The following ACSM4 variants were observed in gnomAD, a reference collection of about 807,000 sequenced individuals.
The protein encoded by ACSM4 is acyl-CoA synthetase medium chain family member 4, also known as acyl-coenzyme A synthetase ACSM4, mitochondrial.
A neutral mutation model predicts 73.0 loss-of-function variants in ACSM4; 66 were observed. The observed-to-expected ratio is 0.90, with a 90% CI of 0.74 to 1.11. The LOEUF (loss-of-function observed/expected upper bound fraction) is 1.11. ACSM4 is among the 50% of genes least tolerant of loss of function. ACSM4 has a pLI of 0.00. For missense variants in ACSM4, 645 were observed against 714.4 expected (o/e 0.90, Z 1.11); for synonymous variants, 222 against 254.0 (o/e 0.87, Z 1.20).
intron 6 of ACSM4, among the ~76,000 whole-genome samples, chr12:7,321,491 A>T (rs1218286881): frequency 6.6e-6 from 1 of 152,186 alleles, no homozygotes; most frequent in Non-Finnish European, 1.5e-5. Context: ...AGACAGAATA[A>T]AGCAAACATG....
intron 6 of ACSM4, among the ~76,000 whole-genome samples, chr12:7,321,978 G>A (rs1284980052): frequency 1.3e-5 from 2 of 152,148 alleles, no homozygotes; most frequent in South Asian, 4.1e-4. Context: ...GAAGGCTTTC[G>A]GCAAGTTCTT....
At chr12:7,317,461 T>C (rs1946429946) in intron 4 of ACSM4, among the ~76,000 whole-genome samples, 181 bp downstream of exon 4, 1 of 152,214 alleles carries the variant, frequency 6.6e-6, no homozygotes, top group Non-Finnish European at 1.5e-5. Flanking sequence ...TCTAACCAGC[T>C]GATTAAGCAA....
rs184499452 is a variant in ACSM4, at chr12:7,328,446, G to C, written c.*73G>C. ...TTAGTATTTGTTCCGATAATTCAGC[G>C]ACTACTCTCTTAAAATGTTTAAGAT... On this transcript the variant is annotated 3_prime_UTR_variant, in exon 13 of 13. Transcript: ENST00000399422. The C allele has an allele frequency of 1.2e-5, 14 of 1,167,776 alleles. No homozygotes were observed. Among genetic ancestry groups the C allele is most frequent in the Admixed American group, 2.8e-5 (1 of 35,284 alleles). 72.3% of individuals were successfully genotyped at this position (1,167,776 alleles called of 1,614,324 possible). A position where few individuals can be genotyped will look rare whatever the true frequency, so the allele number is the denominator to read the frequency against.
In ACSM4 at chr12:7,317,229, T is replaced by C. The variant is rs367830161; in HGVS notation, c.713T>C (p.Met238Thr). 38 of 1,604,788 alleles carry C rather than the reference T, an allele frequency of 2.4e-5. No individual in the cohort carries two copies. The highest frequency in any genetic ancestry group is 3.2e-5 in the Non-Finnish European group (38 of 1,175,614). ...AGTGGGACCACAGGCTTTCCTAAAA[T>C]GGCCCAGCACTCTCAGAGCAGCCTC... ...FTSGTTGFPK[M>T]AQHSQSSLGI... The change falls in exon 4 of 13, where the codon ATG becomes ACG. Residue 238 changes from methionine to threonine, a missense_variant. Met to Thr is a moderately conservative substitution (Grantham distance 81). Transcript: ENST00000399422.
intron 2 of ACSM4, among the ~76,000 whole-genome samples, chr12:7,309,427 TC>T (rs1946378222): frequency 1.3e-5 from 2 of 152,336 alleles, no homozygotes; most frequent in Admixed American, 1.3e-4. Context: ...AGGATACACA[TC>T]TTCCCATCTG....
chr12:7,325,551 G>T (rs1946497508), intron 11 of ACSM4, among the ~76,000 whole-genome samples: 1 of 152,148 alleles, frequency 6.6e-6, no homozygotes, highest in Non-Finnish European at 1.5e-5. Context: ...GGAGGCTGAG[G>T]CAGGAGAACT....
chr12:7,310,515 T>C (rs764786891), intron 2 of ACSM4, 24 bp from the exon 3 acceptor site: 1 of 1,581,988 alleles, frequency 6.3e-7, no homozygotes. Context: ...TTCTGTTCAG[T>C]GCAGGGCCCT....
At chr12:7,304,709 ACAAATGGCTGGGCGGC>A (rs1946352537) in intron 1 of ACSM4, among the ~76,000 whole-genome samples, 177 bp downstream of exon 1, 2 of 152,176 alleles carry the variant, frequency 1.3e-5, no homozygotes, top group African/African-American at 2.4e-5. Context: ...ATCCTCAGCC[ACAAATGGCTGGGCGGC>A]TCTGGAGCCT....
At chr12:7,322,637 AT>A in intron 7 of ACSM4, 96 bp downstream of exon 7, 1 of 1,449,238 alleles carries the variant, frequency 6.9e-7, no homozygotes, top group Non-Finnish European at 9.2e-7. Flanking sequence ...CCCACTGTAA[AT>A]TTTTATAGAG....
At chr12:7,306,305 T>C (rs1197584570) in intron 1 of ACSM4, among the ~76,000 whole-genome samples, 1 of 152,212 alleles carries the variant, frequency 6.6e-6, no homozygotes, top group Non-Finnish European at 1.5e-5. Context: ...GGCCCAACTT[T>C]GGTCAAATGC....
chr12:7,317,249 A>C lies in ACSM4; in HGVS notation c.733A>C (p.Ser245Arg). 1 of 1,590,370 alleles carries C rather than the reference A, an allele frequency of 6.3e-7. No homozygotes were observed. The highest frequency in any genetic ancestry group is 8.6e-7 in the Non-Finnish European group (1 of 1,168,068). Residue 245 changes from serine to arginine, a missense_variant, in exon 4 of 13, where the codon AGC becomes CGC. Coordinates refer to ENST00000399422, the MANE Select transcript of ACSM4 (RefSeq NM_001080454.2). ...FPKMAQHSQS[S>R]LGIGFTLCGR... is the part of the protein sequence containing the mutation. ...TAAAATGGCCCAGCACTCTCAGAGC[A>C]GCCTCGGCATTGGGTTCACCCTCTG...
Position 7,321,138 on chromosome 12 carries a change from C to T in ACSM4, c.1001+334C>T, listed in dbSNP as rs144183349. ...TCCTCTAGGACAACTGGACATTTTT[C>T]CAGGGACAACCAGACCTCTGTAGTC... On this transcript the variant is annotated intron_variant, in intron 6 of 12. Coordinates refer to ENST00000399422, the MANE Select transcript of ACSM4 (RefSeq NM_001080454.2). 9.4e-4 allele frequency among the ~76,000 whole-genome samples: 143 copies of T among 152,244 alleles called. 2 individuals carry two copies. The highest frequency in any genetic ancestry group is 3.2e-3 in the African/African-American group (132 of 41,532).
In ACSM4 at chr12:7,324,510, G is replaced by A; in HGVS notation, c.1448G>A (p.Gly483Glu). Residue 483 changes from glycine (G) to glutamate (E), a missense_variant, in exon 11 of 13, where the codon GGG becomes GAG. Physicochemically the swap from Gly to Glu is moderately conservative, Grantham distance 98 (BLOSUM62 -2). Transcript: ENST00000399422. Reference protein sequence around the residue: ...DVIISSGYRIGPFEVESALIE... With the variant: ...DVIISSGYRIEPFEVESALIE... ...CTTTTCCTCTTCAGGTACCGTATTG[G>A]GCCATTTGAAGTGGAGAGTGCACTC... The A allele has an allele frequency of 6.2e-7, 1 of 1,613,920 alleles. No homozygotes were observed. The highest frequency in any genetic ancestry group is 8.5e-7 in the Non-Finnish European group (1 of 1,179,858).
At chr12:7,311,172 AT>A (rs1202526773) in intron 3 of ACSM4, among the ~76,000 whole-genome samples, 1 of 151,986 alleles carries the variant, frequency 6.6e-6, no homozygotes, top group African/African-American at 2.4e-5. Flanking sequence ...TCTCAAAAAA[AT>A]AAATAAATAA....
At chr12:7,309,981 G>T (rs1018762726) in intron 2 of ACSM4, among the ~76,000 whole-genome samples, 1 of 151,910 alleles carries the variant, frequency 6.6e-6, no homozygotes, top group Non-Finnish European at 1.5e-5. Context: ...ACAGGGTTTC[G>T]CCATGTTGCT....
At chr12:7,310,904 A>G (rs969804331) in intron 3 of ACSM4, among the ~76,000 whole-genome samples, 158 bp downstream of exon 3, 16 of 152,062 alleles carry the variant, frequency 1.1e-4, no homozygotes, top group African/African-American at 3.9e-4. Context: ...GCTGGCTCAC[A>G]CCTGTAATCC....
At chr12:7,328,244 G>A (rs759128574) in intron 12 of ACSM4, 43 bp from the exon 13 acceptor site, 2 of 1,447,412 alleles carry the variant, frequency 1.4e-6, no homozygotes, top group South Asian at 1.2e-5. Flanking sequence ...ACAATTGGAA[G>A]GATGGAATCA....
intron 4 of ACSM4, 79 bp from the exon 5 acceptor site, chr12:7,317,947 G>C: frequency 6.7e-7 from 1 of 1,488,376 alleles, no homozygotes; most frequent in Non-Finnish European, 9.1e-7. Context: ...TAGGGGCAAA[G>C]TCACCCCTGA....
At chr12:7,318,821 A>G (rs1283897496) in intron 5 of ACSM4, among the ~76,000 whole-genome samples, 1 of 152,182 alleles carries the variant, frequency 6.6e-6, no homozygotes, top group Non-Finnish European at 1.5e-5. Context: ...ATATTATTAC[A>G]TACAAACCAT....
Sources: allele counts gnomAD v4.1 joint callset (sites outside exome capture counted in the v4.1 genomes callset), GRCh38; gene constraint gnomAD v4.1.1; transcripts MANE v1.5; gene names NCBI Gene and HGNC (gene_info 2026-07-23, HGNC 2026-07-21).